The following ARHGEF17 variants were observed in gnomAD, a reference collection of about 807,000 sequenced individuals.
ARHGEF17 encodes the protein Rho guanine nucleotide exchange factor 17, also known as 164 kDa Rho-specific guanine-nucleotide exchange factor.
In ARHGEF17, 80 loss-of-function variants were observed where a neutral mutation model predicts 174.0. The observed-to-expected ratio is 0.46, with a 90% confidence interval of 0.38 to 0.55. The LOEUF (loss-of-function observed/expected upper bound fraction) is 0.55. Among genes scored for constraint, ARHGEF17 ranks in the 20% least tolerant of loss-of-function variants. The probability of loss-of-function intolerance (pLI) is 0.00; values close to 1 mark genes in which losing one functional copy is unlikely to be tolerated. For synonymous variants in ARHGEF17, 1,311 were observed against 1,189.1 expected, an observed-to-expected ratio of 1.10 and a Z score of -2.11; for missense variants, 2,886 against 2,839.7, an observed-to-expected ratio of 1.02 and a Z score of -0.37.
Position 73,365,274 on chromosome 11 carries a change from C to T in ARHGEF17, c.5551-116C>T, listed in dbSNP as rs1291451966. 1 of 1,225,622 alleles carries T rather than the reference C, an allele frequency of 8.2e-7. No individual in the cohort carries two copies. The allele number at this position is 1,225,622 out of a possible 1,614,324, so 75.9% of individuals were successfully genotyped here. A position where few individuals can be genotyped will look rare whatever the true frequency, so the allele number is the denominator to read the frequency against. ...ACCAAGCTTCGAAAGGTTAATCAGACCAAGGACCAACGCTAGTGTGAGTTG... is the reference window on the plus strand; with the variant it reads ...ACCAAGCTTCGAAAGGTTAATCAGATCAAGGACCAACGCTAGTGTGAGTTG... On this transcript the variant is annotated intron_variant, in intron 18 of 20. Coordinates refer to ENST00000263674, the MANE Select transcript of ARHGEF17 (RefSeq NM_014786.4). This position sits in a 1 kb window ranked among gnomAD's most constrained non-coding sequence, Gnocchi z 4.9.
chr11:73,363,681 G>A lies in ARHGEF17; in HGVS notation c.5247-66G>A, dbSNP rs115644246. 6,804 of 1,590,808 alleles carry A rather than the reference G, an allele frequency of 4.3e-3. 262 individuals carry two copies. In the African/African-American group the frequency reaches 0.082, roughly 19 times the overall value. ...GACGTGGTGCTAGGGGCAAAGAGGTGGAGGGATGACTCCAGGGGCTGGTGT... is the reference window on the plus strand; with the variant it reads ...GACGTGGTGCTAGGGGCAAAGAGGTAGAGGGATGACTCCAGGGGCTGGTGT... On this transcript the variant is annotated intron_variant, in intron 15 of 20. Transcript: ENST00000263674.
intron 2 of ARHGEF17, among the ~76,000 whole-genome samples, chr11:73,347,926 G>A (rs1387423920): frequency 1.3e-5 from 2 of 152,346 alleles, no homozygotes; most frequent in East Asian, 3.9e-4. Context: ...GGGGGGCAAG[G>A]TGGGGAAGCC....
chr11:73,347,085 G>A (rs112512227), intron 2 of ARHGEF17, 125 bp downstream of exon 2: 18 of 964,558 alleles, frequency 1.9e-5, no homozygotes, highest in African/African-American at 6.5e-5. Context: ...CCTGGCATCC[G>A]TCGCCTTTCC....
Position 73,308,597 on chromosome 11 carries a change from C to CGGCTGCCCGA in ARHGEF17, c.-38_-29dup. Reference sequence around the variant, plus strand: ...GTGGGGGCGCAGGGGGGGTTGGCCGCGGCTGCCCGAGGCCAGCCCCCCCGG... The same window carrying CGGCTGCCCGA: ...GTGGGGGCGCAGGGGGGGTTGGCCGCGGCTGCCCGAGGCTGCCCGAGGCCAGCCCCCCCGG... On this transcript the variant is annotated 5_prime_UTR_variant, in exon 1 of 21. Transcript: ENST00000263674. The CGGCTGCCCGA allele has an allele frequency of 7.2e-7, 1 of 1,390,600 alleles. No homozygotes were observed. The highest frequency in any genetic ancestry group is 3.1e-5 in the East Asian group (1 of 32,574). The allele number at this position is 1,390,600 out of a possible 1,614,324, so 86.1% of individuals were successfully genotyped here.
chr11:73,333,244 G>C (rs893415441), intron 1 of ARHGEF17, among the ~76,000 whole-genome samples: 1 of 152,224 alleles, frequency 6.6e-6, no homozygotes, highest in Non-Finnish European at 1.5e-5. Context: ...GGGCAGGTCT[G>C]TGCTACCAGA....
chr11:73,310,265 A>T lies in ARHGEF17; in HGVS notation c.1627A>T (p.Arg543Ter). The change falls in exon 1 of 21, where the codon AGA (arginine) becomes TGA (stop). Residue 543 changes from arginine (R) to a stop codon, truncating the protein, a stop_gained. Transcript: ENST00000263674. LOFTEE classifies it high-confidence loss of function. ...TLKDLTATLR[R>*]AKSFTCSEKP... ...CAAGGACTTGACAGCCACTCTGCGG[A>T]GAGCAAAGTCATTCACCTGCTCTGA... 6.2e-7 allele frequency: 1 copy of T among 1,614,014 alleles called. No individual in the cohort carries two copies. Among genetic ancestry groups the T allele is most frequent in the Non-Finnish European group, 8.5e-7 (1 of 1,180,028 alleles).
At position 73,352,861 on chromosome 11, in the gene ARHGEF17, A is replaced by G. The variant is rs751598397; in HGVS notation, c.3302A>G (p.Asn1101Ser). The G allele has an allele frequency of 1.2e-6, 2 of 1,613,858 alleles. No individual in the cohort carries two copies. The highest frequency in any genetic ancestry group is 2.2e-5 in the South Asian group (2 of 91,056). ...GYMQPLKQPE[N>S]SVLCDPSLVD... ...ATGCAGCCGCTGAAGCAGCCAGAGA[A>G]CTCCGTGCTCTGTGACCCTTCACTG... The change falls in exon 3 of 21, where the codon AAC (asparagine) becomes AGC (serine). Residue 1101 changes from asparagine to serine, a missense_variant. This residue lies in a region of ARHGEF17 where 353 missense variants were observed against 470.3 expected (regional missense o/e 0.75). Transcript: ENST00000263674.
In ARHGEF17 at chr11:73,308,715, C is replaced by T. The variant is rs1864736361; in HGVS notation, c.77C>T (p.Pro26Leu). 1.3e-6 allele frequency: 2 copies of T among 1,514,670 alleles called. No individual in the cohort carries two copies. Among genetic ancestry groups the T allele is most frequent in the Non-Finnish European group, 1.8e-6 (2 of 1,135,932 alleles). 93.8% of individuals were successfully genotyped at this position (1,514,670 alleles called of 1,614,324 possible). A position where few individuals can be genotyped will look rare whatever the true frequency, so the allele number is the denominator to read the frequency against. ...CTGCTGGAGCGCTGGAGCGGCGGCC[C>T]CGGGCTGAGGGAGGAGGACACGGAC... ...FKLLERWSGG[P>L]GLREEDTDTP... Residue 26 changes from proline to leucine, a missense_variant, in exon 1 of 21, where the codon CCC (proline) becomes CTC (leucine). Physicochemically the swap from Pro to Leu is moderately conservative, Grantham distance 98. Coordinates refer to ENST00000263674, the MANE Select transcript of ARHGEF17 (RefSeq NM_014786.4).
Position 73,356,365 on chromosome 11 carries a change from GC to G in ARHGEF17, c.3840+18del. On this transcript the variant is annotated intron_variant, in intron 6 of 20. Coordinates refer to ENST00000263674, the MANE Select transcript of ARHGEF17 (RefSeq NM_014786.4). ...GGCATGGAGGATGTGCGTGCGCCCT[GC>G]CCCACCCCACCCTACCCCACCCCAC... The G allele has an allele frequency of 6.3e-7, 1 of 1,593,358 alleles. No individual in the cohort carries two copies.
intron 1 of ARHGEF17, among the ~76,000 whole-genome samples, chr11:73,319,088 A>G (rs1864973437): frequency 7.0e-6 from 1 of 142,566 alleles, no homozygotes; most frequent in South Asian, 2.2e-4. Flanking sequence ...TTTTTGAGAC[A>G]GAGTCTTGCT....
chr11:73,343,418 G>A (rs1171480929), intron 1 of ARHGEF17: 1 of 391,158 alleles, frequency 2.6e-6, no homozygotes, highest in Non-Finnish European at 4.5e-6. Flanking sequence ...GAGACCTGGA[G>A]ATTGCCGGTG....
rs1167295584 is a variant in ARHGEF17 at position 73,365,688 on chromosome 11, C to T, written c.5736C>T (p.Ala1912=). 6.2e-7 allele frequency: 1 copy of T among 1,612,350 alleles called. No individual in the cohort carries two copies. Among genetic ancestry groups the T allele is most frequent in the African/African-American group, 1.3e-5 (1 of 74,942 alleles). ...PVHRMLAGSD[A]IIRQHKAACL... is the part of the protein sequence containing the mutation. ...TGTCTCCCACCCCAGGCTCGGATGCCATCATCCGGCAGCACAAGGCTGCCT... is the reference window on the plus strand; with the variant it reads ...TGTCTCCCACCCCAGGCTCGGATGCTATCATCCGGCAGCACAAGGCTGCCT... Residue 1912 remains alanine (A), a synonymous_variant, in exon 20 of 21, where the codon GCC becomes GCT. Transcript: ENST00000263674. This position sits in a 1 kb window ranked among gnomAD's most constrained non-coding sequence, Gnocchi z 4.9.
At chr11:73,347,058 G>A (rs753535605) in intron 2 of ARHGEF17, 98 bp downstream of exon 2, 1 of 1,195,756 alleles carries the variant, frequency 8.4e-7, no homozygotes. Context: ...AAGGGACTGA[G>A]GCCAGAGAGC....
chr11:73,319,647 T>C (rs1864984071), intron 1 of ARHGEF17, among the ~76,000 whole-genome samples: 1 of 152,262 alleles, frequency 6.6e-6, no homozygotes, highest in African/African-American at 2.4e-5. Context: ...TCAGGCCCAC[T>C]GCATTTAACT....
chr11:73,320,045 T>C (rs1864990847), intron 1 of ARHGEF17, among the ~76,000 whole-genome samples: 1 of 151,788 alleles, frequency 6.6e-6, no homozygotes, highest in Non-Finnish European at 1.5e-5. Flanking sequence ...CTGCCCCATC[T>C]GAGGGCAGAA....
intron 1 of ARHGEF17, among the ~76,000 whole-genome samples, chr11:73,317,843 G>T (rs969286672): frequency 2.6e-5 from 4 of 152,140 alleles, no homozygotes; most frequent in Non-Finnish European, 5.9e-5. Flanking sequence ...CAGGGGTTTG[G>T]GGCCCCAACC....
chr11:73,346,097 C>T (rs1250326531), intron 1 of ARHGEF17, among the ~76,000 whole-genome samples: 1 of 151,942 alleles, frequency 6.6e-6, no homozygotes, highest in East Asian at 1.9e-4. Context: ...CTGTGTGACC[C>T]CTTGGGGACT....
At chr11:73,356,606 T>G in intron 6 of ARHGEF17, 103 bp from the exon 7 acceptor site, 1 of 1,473,408 alleles carries the variant, frequency 6.8e-7, no homozygotes, top group Non-Finnish European at 9.3e-7. Flanking sequence ...GCTGCTTCCA[T>G]TGGCCTAGCC....
intron 20 of ARHGEF17, among the ~76,000 whole-genome samples, chr11:73,366,324 T>A (rs1046085109): frequency 2.0e-5 from 3 of 152,148 alleles, no homozygotes; most frequent in African/African-American, 7.2e-5. Flanking sequence ...AAATGATATA[T>A]AGGGCAGGAA....
Sources: allele counts gnomAD v4.1 joint callset (sites outside exome capture counted in the v4.1 genomes callset), GRCh38; gene constraint gnomAD v4.1.1; regional missense constraint gnomAD v4.1.1; non-coding constraint Gnocchi (gnomAD v3.1); transcripts MANE v1.5; gene names NCBI Gene and HGNC (gene_info 2026-07-23, HGNC 2026-07-21).